The following PTPRF variants were observed in gnomAD, a reference collection of about 807,000 sequenced individuals.
The protein encoded by PTPRF is receptor-type tyrosine-protein phosphatase F.
In PTPRF, 59 loss-of-function variants were observed where a neutral mutation model predicts 201.8. The ratio of observed to expected loss-of-function variants is 0.29; its 90% CI spans 0.24 to 0.36. The LOEUF is 0.36. Among genes scored for constraint, PTPRF ranks in the 10% least tolerant of loss-of-function variants. PTPRF has a pLI of 1.00. For synonymous variants in PTPRF, 1,088 were observed against 1,089.7 expected, an observed-to-expected ratio of 1.00 and a Z score of 0.03; for missense variants, 2,132 against 2,690.5, an observed-to-expected ratio of 0.79 and a Z score of 4.59.
rs77543816 is a variant in PTPRF at position 43,573,977 on chromosome 1, C to CT, written c.568+4235dup. ...CAAAGAGGGTTTGCTTGTGTGGGTT[C>CT]TTTTTTTTTTTTTTTTTTTTTTTTT... On this transcript the variant is annotated intron_variant, in intron 6 of 33. Transcript: ENST00000359947. Among the ~76,000 whole-genome samples the CT allele has an allele frequency of 2.0e-3, 130 of 63,912 alleles. 19 individuals are homozygous for CT. The highest frequency in any genetic ancestry group is 3.7e-3 in the South Asian group (4 of 1,092). The allele number at this position is 63,912 out of a possible 152,430, so 41.9% of individuals were successfully genotyped here. A position where few individuals can be genotyped will look rare whatever the true frequency, so the allele number is the denominator to read the frequency against.
At chr1:43,562,369 A>G (rs568200040) in intron 5 of PTPRF, among the ~76,000 whole-genome samples, 1 of 150,084 alleles carries the variant, frequency 6.7e-6, no homozygotes, top group African/African-American at 2.5e-5. Flanking sequence ...CAGCCTCCCA[A>G]AGTGCTGGGA....
rs200483026 is a variant in PTPRF at position 43,606,280 on chromosome 1, G to A, written c.3524G>A (p.Arg1175Gln). ...AIEQGGEEQR[R>Q]RRRQAERLKP... The stretch of plus-strand genomic sequence containing the variant: ...GAGCAAGGCGGAGAGGAGCAGCGGC[G>A]GCGGCGGCGGCAGGCAGAACGTCTG... The change falls in exon 20 of 34, where the codon CGG becomes CAG. Residue 1175 changes from arginine to glutamine, a missense_variant. Around this residue, in one of 6 missense-constraint regions of PTPRF, gnomAD observed 818 missense variants for 915.3 expected, o/e 0.89. Coordinates refer to ENST00000359947, the MANE Select transcript of PTPRF (RefSeq NM_002840.5). The A allele has an allele frequency of 1.9e-5, 31 of 1,613,370 alleles. No individual in the cohort carries two copies. Among genetic ancestry groups the A allele is most frequent in the Middle Eastern group, 1.6e-4 (1 of 6,078 alleles).
At chr1:43,569,219 G>GCCCCCCCCCCCCC (rs11313129) in intron 5 of PTPRF, among the ~76,000 whole-genome samples, 36 of 137,904 alleles carry the variant, frequency 2.6e-4, no homozygotes, top group African/African-American at 5.3e-4. Flanking sequence ...CTCCCTGCTA[G>GCCCCCCCCCCCCC]CCCCCCCCCC....
chr1:43,597,820 C>T lies in PTPRF; in HGVS notation c.1886C>T (p.Pro629Leu), dbSNP rs769997975. The T allele has an allele frequency of 1.8e-5, 29 of 1,607,344 alleles. No individual in the cohort carries two copies. The highest frequency in any genetic ancestry group is 2.2e-5 in the Non-Finnish European group (26 of 1,177,710). Residue 629 changes from proline to leucine, a missense_variant, in exon 12 of 34, where the codon CCG becomes CTG. Physicochemically the swap from Pro to Leu is moderately conservative, Grantham distance 98. Coordinates refer to ENST00000359947, the MANE Select transcript of PTPRF (RefSeq NM_002840.5). ...GSTTVRVSWV[P>L]PPADSRNGVI... is the part of the protein sequence containing the mutation. Reference sequence around the variant, plus strand: ...ACCACGGTCCGGGTAAGTTGGGTCCCGCCGCCTGCCGACAGCCGCAACGGC... The same window carrying T: ...ACCACGGTCCGGGTAAGTTGGGTCCTGCCGCCTGCCGACAGCCGCAACGGC...
chr1:43,606,802 A>G lies in PTPRF; in HGVS notation c.3703-12A>G. ...CTGAGCTCACAGCCTGCTGTTCTCC[A>G]CCGGGCCACAGAAGCGCTATGCCTC... On this transcript the variant is annotated splice_polypyrimidine_tract_variant and intron_variant, in intron 20 of 33. Transcript: ENST00000359947. 1 of 1,611,842 alleles carries G rather than the reference A, an allele frequency of 6.2e-7. No individual in the cohort carries two copies. The highest frequency in any genetic ancestry group is 1.3e-5 in the African/African-American group (1 of 75,012).
chr1:43,620,273 C>T (rs1458336943), intron 30 of PTPRF, 52 bp downstream of exon 30: 2 of 1,606,418 alleles, frequency 1.2e-6, no homozygotes, highest in South Asian at 2.2e-5. Context: ...AGAACACCAG[C>T]CACCCTTGGG....
intron 13 of PTPRF, among the ~76,000 whole-genome samples, chr1:43,600,101 C>G (rs1032429771): frequency 8.5e-5 from 13 of 152,354 alleles, no homozygotes; most frequent in African/African-American, 2.9e-4. Context: ...CTCTCTTCCC[C>G]CTCTCAGCCT....
At chr1:43,525,456 C>T (rs1050356431), upstream of PTPRF, among the ~76,000 whole-genome samples, 1 of 152,110 alleles carries the variant, frequency 6.6e-6, no homozygotes, top group Non-Finnish European at 1.5e-5. Context: ...AAGCTGGAAA[C>T]AGAGGCCCAG....
chr1:43,591,657 G>T (rs979833014), intron 9 of PTPRF, 104 bp downstream of exon 9: 33 of 1,442,470 alleles, frequency 2.3e-5, no homozygotes, highest in Non-Finnish European at 3.1e-5. Flanking sequence ...GGGGGCTCTT[G>T]GGAGGATCAA....
rs773936534 is a variant in PTPRF, at chr1:43,606,955, C to A, written c.3844C>A (p.Leu1282Ile). 7 of 1,613,996 alleles carry A rather than the reference C, an allele frequency of 4.3e-6. No individual in the cohort carries two copies. In the African/African-American group the frequency reaches 8.0e-5, roughly 18 times the overall value. The part of the protein sequence containing the change: ...ILIILIVIAI[L>I]LFKRKRTHSP... ...CATCATCCTCATTGTCATCGCCATC[C>A]TCTTGTTCAAAAGGTGAGCACTGCC... is the stretch of plus-strand genomic sequence containing the variant. The change falls in exon 21 of 34, where the codon CTC (leucine) becomes ATC (isoleucine). Residue 1282 changes from leucine to isoleucine, a missense_variant. Transcript: ENST00000359947.
At chr1:43,532,539 GT>G (rs1643682058) in intron 1 of PTPRF, 1 of 168,716 alleles carries the variant, frequency 5.9e-6, no homozygotes, top group Non-Finnish European at 1.3e-5. Flanking sequence ...AGAAAAGGAT[GT>G]GGGGTGGTGG....
At chr1:43,621,889 G>A (rs894757654) in intron 33 of PTPRF, 46 bp from the exon 34 acceptor site, 7 of 1,573,606 alleles carry the variant, frequency 4.4e-6, no homozygotes, top group African/African-American at 2.7e-5. Flanking sequence ...TGTAGTGGGG[G>A]TGTCCACTGG....
At chr1:43,563,951 C>A (rs909061483) in intron 5 of PTPRF, among the ~76,000 whole-genome samples, 1 of 151,748 alleles carries the variant, frequency 6.6e-6, no homozygotes, top group East Asian at 1.9e-4. Context: ...TTGAGTAGGG[C>A]GATGTGGGGT....
intron 6 of PTPRF, among the ~76,000 whole-genome samples, chr1:43,574,021 A>T (rs1461743795): frequency 1.1e-5 from 1 of 94,832 alleles, no homozygotes; most frequent in Non-Finnish European, 1.9e-5. Context: ...TTTGAGACAG[A>T]GTTTCGCTCT....
chr1:43,550,072 G>A (rs1272814164), intron 3 of PTPRF, among the ~76,000 whole-genome samples: 1 of 151,810 alleles, frequency 6.6e-6, no homozygotes, highest in Non-Finnish European at 1.5e-5. Flanking sequence ...GGAGGGAAGC[G>A]GAGGGCGAGG....
Position 43,591,566 on chromosome 1 carries a change from A to C in PTPRF, c.1531+13A>C. 1.9e-6 allele frequency: 3 copies of C among 1,548,536 alleles called. No individual in the cohort carries two copies. The highest frequency in any genetic ancestry group is 2.6e-6 in the Non-Finnish European group (3 of 1,143,802). The stretch of plus-strand genomic sequence containing the variant: ...ACGCAGCAGGGAGGTAGGTGGGGGC[A>C]TGCCGGCTGGGCAGCCAACAGCAGA... On this transcript the variant is annotated intron_variant, in intron 9 of 33. Coordinates refer to ENST00000359947, the MANE Select transcript of PTPRF (RefSeq NM_002840.5).
intron 8 of PTPRF, 37 bp downstream of exon 8, chr1:43,589,037 G>A: frequency 2.7e-6 from 4 of 1,499,986 alleles, no homozygotes; most frequent in Middle Eastern, 1.9e-4. Flanking sequence ...TGCCCTCCCT[G>A]TCATCTGGGA....
At chr1:43,569,872 C>A in intron 6 of PTPRF, 94 bp downstream of exon 6, 2 of 1,362,860 alleles carry the variant, frequency 1.5e-6, no homozygotes, top group East Asian at 2.6e-5. Context: ...GCCTGGGCAC[C>A]TCCAGGGCTG....
chr1:43,585,235 G>C (rs1442296310), intron 7 of PTPRF, among the ~76,000 whole-genome samples: 1 of 152,170 alleles, frequency 6.6e-6, no homozygotes, highest in Non-Finnish European at 1.5e-5. Flanking sequence ...GATGGTTGGG[G>C]CTGCTGCAGT....
Sources: gnomAD v4.1 joint callset for allele counts (sites outside exome capture counted in the v4.1 genomes callset) on GRCh38, gnomAD v4.1.1 for gene constraint, gnomAD v4.1.1 regional missense constraint, MANE v1.5 for transcripts, NCBI Gene and HGNC (gene_info 2026-07-23, HGNC 2026-07-21) for gene names.